The following DYTN variants were observed in gnomAD, a reference collection of about 807,000 sequenced individuals.
DYTN encodes dystrotelin.
A neutral mutation model predicts 69.6 loss-of-function variants in DYTN; 75 were observed. The ratio of observed to expected loss-of-function variants is 1.08; its 90% CI spans 0.89 to 1.31. DYTN has a LOEUF of 1.31. Ranked by LOEUF, DYTN falls within the 50% of genes most tolerant of loss-of-function variation. The pLI is 0.00. For missense variants in DYTN, 726 were observed against 688.4 expected (o/e 1.05, Z -0.61); for synonymous variants, 252 against 249.1 (o/e 1.01, Z -0.11).
In DYTN at chr2:206,707,810, C is replaced by A. The variant is rs543171692; in HGVS notation, c.95-307G>T. 3.6e-3 allele frequency among the ~76,000 whole-genome samples: 543 copies of A among 152,048 alleles called. 3 individuals carry two copies. Among genetic ancestry groups the A allele is most frequent in the African/African-American group, 0.013 (522 of 41,476 alleles). Reference sequence around the variant, plus strand: ...AGAAGTTAAAAAGGGAAGTGAGAAACGAAAAATACGCTTTCCAAGAAAGTT... The same window carrying A: ...AGAAGTTAAAAAGGGAAGTGAGAAAAGAAAAATACGCTTTCCAAGAAAGTT... On this transcript the variant is annotated intron_variant, in intron 2 of 11. Coordinates refer to ENST00000452335, the MANE Select transcript of DYTN (RefSeq NM_001093730.1).
At chr2:206,681,137 T>C (rs1699746343) in intron 9 of DYTN, among the ~76,000 whole-genome samples, 1 of 152,202 alleles carries the variant, frequency 6.6e-6, no homozygotes, top group African/African-American at 2.4e-5. Flanking sequence ...TTGTAGTAAT[T>C]GTGAATGGAA....
chr2:206,683,914 T>A (rs1699779627), intron 9 of DYTN, among the ~76,000 whole-genome samples: 1 of 152,084 alleles, frequency 6.6e-6, no homozygotes, highest in South Asian at 2.1e-4. Flanking sequence ...ATACTTAAAT[T>A]TGCTGCCATC....
chr2:206,667,124 C>T (rs187684132), intron 9 of DYTN, among the ~76,000 whole-genome samples: 5 of 152,136 alleles, frequency 3.3e-5, no homozygotes, highest in Admixed American at 2.6e-4. Context: ...CTCTTCTGCT[C>T]AGAACCCTCC....
intron 11 of DYTN, among the ~76,000 whole-genome samples, chr2:206,660,154 T>A (rs1699496833): frequency 6.6e-6 from 1 of 152,214 alleles, no homozygotes; most frequent in African/African-American, 2.4e-5. Context: ...TTGAGACTTT[T>A]AAAAATATTT....
At chr2:206,700,064 T>A in intron 6 of DYTN, 81 bp downstream of exon 6, 1 of 1,581,276 alleles carries the variant, frequency 6.3e-7, no homozygotes, top group Non-Finnish European at 8.7e-7. Flanking sequence ...TAATAATAGG[T>A]CTGTAATGTA....
At chr2:206,667,860 G>T (rs1699591188) in intron 9 of DYTN, among the ~76,000 whole-genome samples, 1 of 152,102 alleles carries the variant, frequency 6.6e-6, no homozygotes, top group Admixed American at 6.5e-5. Flanking sequence ...GTGGAAATTG[G>T]CTGTCTGGTA....
intron 11 of DYTN, among the ~76,000 whole-genome samples, chr2:206,652,376 T>G (rs1663585556): frequency 6.6e-6 from 1 of 152,210 alleles, no homozygotes; most frequent in Non-Finnish European, 1.5e-5. Context: ...CAGTGCTCTA[T>G]AGTTACCTGA....
intron 9 of DYTN, among the ~76,000 whole-genome samples, chr2:206,672,895 T>A (rs1386525974): frequency 6.6e-6 from 1 of 152,248 alleles, no homozygotes; most frequent in Non-Finnish European, 1.5e-5. Context: ...TTTTTAAAGT[T>A]CACTCCCCCA....
chr2:206,711,322 T>C (rs188803955), intron 1 of DYTN, among the ~76,000 whole-genome samples: 1 of 152,064 alleles, frequency 6.6e-6, no homozygotes, highest in Non-Finnish European at 1.5e-5. Flanking sequence ...CGAGCATTCC[T>C]GAGCACTGAG....
chr2:206,654,193 C>G (rs1399516572), intron 11 of DYTN, among the ~76,000 whole-genome samples: 1 of 152,164 alleles, frequency 6.6e-6, no homozygotes, highest in African/African-American at 2.4e-5. Context: ...GTATCTCTAT[C>G]TATCTATGAA....
chr2:206,700,299 C>A, intron 5 of DYTN, 83 bp from the exon 6 acceptor site: 2 of 1,470,778 alleles, frequency 1.4e-6, no homozygotes, highest in Non-Finnish European at 1.9e-6. Flanking sequence ...GAGCTGGTGC[C>A]CACGGCTGTG....
rs1247460929 is a variant in DYTN at position 206,662,960 on chromosome 2, C to A, written c.1576G>T (p.Glu526Ter). The change falls in exon 11 of 12, where the codon GAA (glutamate) becomes TAA (stop). Residue 526 changes from glutamate to a stop codon, truncating the protein, a stop_gained. Transcript: ENST00000452335. LOFTEE classifies it high-confidence loss of function. ...AGTTTTGACAATAGTTCTTGCAGTT[C>A]CTCTTCCTCCAGCTCATCCTTTCTC... ...KERKDELEEEELQELLSKLMD... is the reference protein window; with the variant it reads ...KERKDELEEE 2 of 1,613,616 alleles carry A rather than the reference C, an allele frequency of 1.2e-6. No individual in the cohort carries two copies. Among genetic ancestry groups the A allele is most frequent in the African/African-American group, 2.7e-5 (2 of 74,832 alleles).
Position 206,688,509 on chromosome 2 carries a change from A to G in DYTN, c.980+4666T>C, listed in dbSNP as rs182916437. Among the ~76,000 whole-genome samples the G allele has an allele frequency of 4.8e-4, 73 of 152,232 alleles. 1 individual carries two copies. Among genetic ancestry groups the G allele is most frequent in the Non-Finnish European group, 9.3e-4 (63 of 68,044 alleles). On this transcript the variant is annotated intron_variant, in intron 9 of 11. Transcript: ENST00000452335. The stretch of plus-strand genomic sequence containing the variant: ...AGAATGAGGGCTGAAACAGTAACAC[A>G]GAGCACTATCTGGTTTGACCTCAGC...
intron 9 of DYTN, among the ~76,000 whole-genome samples, chr2:206,678,575 A>G (rs1367647293): frequency 2.6e-5 from 4 of 152,242 alleles, no homozygotes; most frequent in Non-Finnish European, 5.9e-5. Flanking sequence ...GTTAAATCAT[A>G]TTATGCTTAT....
chr2:206,651,985 G>T, intron 11 of DYTN, 64 bp from the exon 12 acceptor site: 1 of 1,448,758 alleles, frequency 6.9e-7, no homozygotes, highest in Non-Finnish European at 9.5e-7. Context: ...TGAAGATATT[G>T]ATAAAGCTCT....
At chr2:206,658,569 G>C (rs766981521) in intron 11 of DYTN, among the ~76,000 whole-genome samples, 57 of 152,120 alleles carry the variant, frequency 3.7e-4, no homozygotes, top group Non-Finnish European at 6.3e-4. Context: ...CAGGCATCTA[G>C]AATATGATGG....
At chr2:206,666,605 T>A (rs183357865) in intron 9 of DYTN, among the ~76,000 whole-genome samples, 15 of 152,124 alleles carry the variant, frequency 9.9e-5, no homozygotes, top group Non-Finnish European at 1.8e-4. Flanking sequence ...CACCCAACAC[T>A]TGACCAGGAA....
chr2:206,660,774 C>G (rs1046741524), intron 11 of DYTN, among the ~76,000 whole-genome samples: 1 of 152,172 alleles, frequency 6.6e-6, no homozygotes, highest in Non-Finnish European at 1.5e-5. Flanking sequence ...AACTCCAACT[C>G]AATTTACTGT....
At chr2:206,677,557 A>G (rs984136354) in intron 9 of DYTN, among the ~76,000 whole-genome samples, 16 of 152,238 alleles carry the variant, frequency 1.1e-4, no homozygotes, top group Non-Finnish European at 2.1e-4. Context: ...AATAAAAACC[A>G]GATAGATTTA....
Sources: allele counts gnomAD v4.1 joint callset (sites outside exome capture counted in the v4.1 genomes callset), GRCh38; gene constraint gnomAD v4.1.1; transcripts MANE v1.5; gene names NCBI Gene and HGNC (gene_info 2026-07-23, HGNC 2026-07-21).